Variants in STX1A observed in about 807,000 individuals in gnomAD.
The protein encoded by STX1A is syntaxin 1A, also known as syntaxin-1A.
A neutral mutation model predicts 37.8 loss-of-function variants in STX1A; 4 were observed. The observed-to-expected ratio is 0.11, with a 90% confidence interval of 0.05 to 0.24. The LOEUF (loss-of-function observed/expected upper bound fraction) is 0.24, where lower values mean the gene tolerates loss of function less well. STX1A is among the 10% of genes least tolerant of loss of function. The pLI is 1.00. For synonymous variants in STX1A, 135 were observed against 147.4 expected (o/e 0.92, Z 0.61); for missense variants, 251 against 399.9 (o/e 0.63, Z 3.18).
In STX1A at chr7:73,705,094, G is replaced by T; in HGVS notation, c.283+56C>A. 1 of 1,553,986 alleles carries T rather than the reference G, an allele frequency of 6.4e-7. No homozygotes were observed. Among genetic ancestry groups the T allele is most frequent in the African/African-American group, 1.4e-5 (1 of 73,828 alleles). On this transcript the variant is annotated intron_variant, in intron 4 of 9. Transcript: ENST00000222812. This position sits in a 1 kb window ranked among gnomAD's most constrained non-coding sequence, Gnocchi z 5.2. ...GGGCGAGCAAAACCCCATGGGCTCCGCAGAGGAAGCAGGCCTAGAATGCCC... is the reference window on the plus strand; with the variant it reads ...GGGCGAGCAAAACCCCATGGGCTCCTCAGAGGAAGCAGGCCTAGAATGCCC...
At chr7:73,714,999 C>T (rs913309568) in intron 1 of STX1A, among the ~76,000 whole-genome samples, 2 of 151,974 alleles carry the variant, frequency 1.3e-5, no homozygotes, top group African/African-American at 4.8e-5. Flanking sequence ...ATGGTGCATG[C>T]CTGTAATCCC....
intron 3 of STX1A, among the ~76,000 whole-genome samples, chr7:73,707,381 A>G (rs1245422304): frequency 6.6e-6 from 1 of 152,190 alleles, no homozygotes; most frequent in African/African-American, 2.4e-5. Flanking sequence ...CCGGGGTGCC[A>G]CATGGCCAGG....
At chr7:73,715,760 G>C (rs1278037794) in intron 1 of STX1A, among the ~76,000 whole-genome samples, 1 of 152,200 alleles carries the variant, frequency 6.6e-6, no homozygotes, top group Non-Finnish European at 1.5e-5. Context: ...TGTCTGCCTC[G>C]AGGGCTATTT....
At chr7:73,715,041 C>A (rs1799240522) in intron 1 of STX1A, among the ~76,000 whole-genome samples, 1 of 151,886 alleles carries the variant, frequency 6.6e-6, no homozygotes, top group African/African-American at 2.4e-5. Flanking sequence ...AGGAGAATCA[C>A]TTGAACCTGG....
At chr7:73,712,038 A>G (rs902098333) in intron 1 of STX1A, among the ~76,000 whole-genome samples, 1 of 152,044 alleles carries the variant, frequency 6.6e-6, no homozygotes, top group African/African-American at 2.4e-5. Context: ...CCCTCCGTCT[A>G]TGAGGGTAGG....
intron 1 of STX1A, chr7:73,716,624 C>T (rs1489220276): frequency 6.6e-6 from 1 of 152,502 alleles, no homozygotes; most frequent in Non-Finnish European, 1.5e-5. Context: ...CCTGTGCTAT[C>T]CCAGGGTCTC....
In STX1A at chr7:73,702,779, C is replaced by T. The variant is rs782500373; in HGVS notation, c.678+66G>A. 96 of 1,608,310 alleles carry T rather than the reference C, an allele frequency of 6.0e-5. No individual in the cohort carries two copies. The highest frequency in any genetic ancestry group is 2.3e-4 in the Admixed American group (14 of 59,766). ...AGGGCAGCGTGTCGGGCAGAAAGGG[C>T]GAGGTTAGTGCAGCCCTGGGTGCTG... On this transcript the variant is annotated intron_variant, in intron 8 of 9. Coordinates refer to ENST00000222812, the MANE Select transcript of STX1A (RefSeq NM_004603.4). The surrounding 1 kb of genome is among the most constrained non-coding windows in gnomAD (Gnocchi z 4.7).
In STX1A at chr7:73,700,371, G is replaced by A; in HGVS notation, c.*36C>T. Reference sequence around the variant, plus strand: ...GCAGCAGCCAGGGCCTCCTTGGAGTGGCCCACCTGGAGTGGAGTGGCAGTT... The same window carrying A: ...GCAGCAGCCAGGGCCTCCTTGGAGTAGCCCACCTGGAGTGGAGTGGCAGTT... On this transcript the variant is annotated 3_prime_UTR_variant, in exon 10 of 10. Coordinates refer to ENST00000222812, the MANE Select transcript of STX1A (RefSeq NM_004603.4). The surrounding 1 kb of genome is among the most constrained non-coding windows in gnomAD (Gnocchi z 4.4). The A allele has an allele frequency of 6.2e-7, 1 of 1,607,458 alleles. No individual in the cohort carries two copies. The highest frequency in any genetic ancestry group is 2.2e-5 in the East Asian group (1 of 44,826).
chr7:73,709,778 A>T lies in STX1A; in HGVS notation c.31-656T>A, dbSNP rs1214176791. Among the ~76,000 whole-genome samples the T allele has an allele frequency of 6.6e-6, 1 of 152,202 alleles. No homozygotes were observed. Among genetic ancestry groups the T allele is most frequent in the Non-Finnish European group, 1.5e-5 (1 of 68,028 alleles). On this transcript the variant is annotated intron_variant, in intron 1 of 9. Coordinates refer to ENST00000222812, the MANE Select transcript of STX1A (RefSeq NM_004603.4). This position sits in a 1 kb window ranked among gnomAD's most constrained non-coding sequence, Gnocchi z 4.2. The stretch of plus-strand genomic sequence containing the variant: ...CTCCCTTTCCAGAGTGGGCCCTATA[A>T]GGGGAGACCTGCCTACTGTGTCCCA...
intron 8 of STX1A, among the ~76,000 whole-genome samples, chr7:73,701,750 G>A (rs891822365): frequency 9.2e-5 from 14 of 151,996 alleles, no homozygotes; most frequent in African/African-American, 2.9e-4. Flanking sequence ...GCCTCCTGAC[G>A]GCCTCCGTAC....
Position 73,705,305 on chromosome 7 carries a change from G to T in STX1A, c.209-81C>A. 2 of 1,201,954 alleles carry T rather than the reference G, an allele frequency of 1.7e-6. No individual in the cohort carries two copies. The highest frequency in any genetic ancestry group is 1.5e-5 in the African/African-American group (1 of 66,828). 74.5% of individuals were successfully genotyped at this position (1,201,954 alleles called of 1,614,324 possible). Reference sequence around the variant, plus strand: ...GCAGGCTCAGCCTCCAGCCCAGGGGGCCCAGTGGGAGGCTCTGGGAAGATC... The same window carrying T: ...GCAGGCTCAGCCTCCAGCCCAGGGGTCCCAGTGGGAGGCTCTGGGAAGATC... On this transcript the variant is annotated intron_variant, in intron 3 of 9. Coordinates refer to ENST00000222812, the MANE Select transcript of STX1A (RefSeq NM_004603.4). This position sits in a 1 kb window ranked among gnomAD's most constrained non-coding sequence, Gnocchi z 5.2.
In STX1A at chr7:73,700,242, C is replaced by T. The variant is rs894547755; in HGVS notation, c.*165G>A. 9 of 658,604 alleles carry T rather than the reference C, an allele frequency of 1.4e-5. No homozygotes were observed. The highest frequency in any genetic ancestry group is 1.9e-5 in the Non-Finnish European group (7 of 374,116). The allele number at this position is 658,604 out of a possible 1,614,324, so 40.8% of individuals were successfully genotyped here. On this transcript the variant is annotated 3_prime_UTR_variant, in exon 10 of 10. Coordinates refer to ENST00000222812, the MANE Select transcript of STX1A (RefSeq NM_004603.4). The surrounding 1 kb of genome is among the most constrained non-coding windows in gnomAD (Gnocchi z 4.4). ...ACTCACAGAGATCATGCACACGACACGGGGCGGGGACGGAGGGCCCATGGC... is the reference window on the plus strand; with the variant it reads ...ACTCACAGAGATCATGCACACGACATGGGGCGGGGACGGAGGGCCCATGGC...
In STX1A at chr7:73,702,151, C is replaced by T. The variant is rs372796471; in HGVS notation, c.678+694G>A. On this transcript the variant is annotated intron_variant, in intron 8 of 9. Coordinates refer to ENST00000222812, the MANE Select transcript of STX1A (RefSeq NM_004603.4). The surrounding 1 kb of genome is among the most constrained non-coding windows in gnomAD (Gnocchi z 4.7). Reference sequence around the variant, plus strand: ...GTTGCTGGGGCCAGCTCTTCATCTCCGCTGCGAAGTCTTCACAGCTGGCTC... The same window carrying T: ...GTTGCTGGGGCCAGCTCTTCATCTCTGCTGCGAAGTCTTCACAGCTGGCTC... Among the ~76,000 whole-genome samples, 10 of 152,282 alleles carry T rather than the reference C, an allele frequency of 6.6e-5. No individual in the cohort carries two copies. The highest frequency in any genetic ancestry group is 2.1e-4 in the South Asian group (1 of 4,822).
At position 73,704,000 on chromosome 7, in the gene STX1A, C is replaced by T. The variant is rs1798769819; in HGVS notation, c.466+148G>A. The T allele has an allele frequency of 4.7e-6, 5 of 1,067,290 alleles. No individual in the cohort carries two copies. The Admixed American group carries it at 7.9e-5, about 17-fold the overall frequency. 66.1% of individuals were successfully genotyped at this position (1,067,290 alleles called of 1,614,324 possible). A position where few individuals can be genotyped will look rare whatever the true frequency, so the allele number is the denominator to read the frequency against. On this transcript the variant is annotated intron_variant, in intron 6 of 9. Transcript: ENST00000222812. Reference sequence around the variant, plus strand: ...CACAGCAGCCGCCTCAGGCCCCCGCCCCTCCAGCCCCAAACTCAGCAGCTG... The same window carrying T: ...CACAGCAGCCGCCTCAGGCCCCCGCTCCTCCAGCCCCAAACTCAGCAGCTG...
At chr7:73,704,072 CCACG>C in intron 6 of STX1A, 72 bp downstream of exon 6, 1 of 1,468,940 alleles carries the variant, frequency 6.8e-7, no homozygotes, top group Non-Finnish European at 9.2e-7. Flanking sequence ...CAGCCTTGAG[CCACG>C]CACTCAGCAG....
chr7:73,709,197 A>C lies in STX1A; in HGVS notation c.31-75T>G. ...GTACACACGCAGGTGCCCAGGGTAC[A>C]GCGCCAGGGCCCTGCCCCTCCCCCT... On this transcript the variant is annotated intron_variant, in intron 1 of 9. Coordinates refer to ENST00000222812, the MANE Select transcript of STX1A (RefSeq NM_004603.4). The surrounding 1 kb of genome is among the most constrained non-coding windows in gnomAD (Gnocchi z 4.2). 2.0e-6 allele frequency: 3 copies of C among 1,491,924 alleles called. No individual in the cohort carries two copies. Among genetic ancestry groups the C allele is most frequent in the Non-Finnish European group, 2.8e-6 (3 of 1,082,826 alleles). 92.4% of individuals were successfully genotyped at this position (1,491,924 alleles called of 1,614,324 possible).
At chr7:73,704,771 C>T (rs1798810498) in intron 4 of STX1A, 1 of 510,322 alleles carries the variant, frequency 2.0e-6, no homozygotes, top group African/African-American at 1.9e-5. Context: ...GTGGCCCCTC[C>T]TGCAGGGCAT....
intron 3 of STX1A, among the ~76,000 whole-genome samples, chr7:73,707,882 C>T (rs1554617260): frequency 6.7e-6 from 1 of 148,880 alleles, no homozygotes; most frequent in African/African-American, 2.5e-5. Flanking sequence ...TTGCAGTGAG[C>T]CGAGATGGCA....
chr7:73,701,192 C>T (rs1240775980), intron 8 of STX1A: 1 of 552,060 alleles, frequency 1.8e-6, no homozygotes, highest in African/African-American at 1.9e-5. Context: ...TCTGGTCCTG[C>T]CCTGGCCATA....
Sources: gnomAD v4.1 joint callset for allele counts (sites outside exome capture counted in the v4.1 genomes callset) on GRCh38, gnomAD v4.1.1 for gene constraint, Gnocchi (gnomAD v3.1) non-coding constraint, MANE v1.5 for transcripts, NCBI Gene and HGNC (gene_info 2026-07-23, HGNC 2026-07-21) for gene names.